DYNC1I1: variants seen among roughly 807,000 people sequenced by gnomAD.
DYNC1I1 encodes dynein cytoplasmic 1 intermediate chain 1, also known as cytoplasmic dynein 1 intermediate chain 1.
Under a neutral mutation model 86.6 loss-of-function variants are expected in DYNC1I1, and 43 were observed. That is an observed-to-expected ratio of 0.50 (90% CI 0.39 to 0.64). The LOEUF (loss-of-function observed/expected upper bound fraction) is 0.64. DYNC1I1 is among the 30% of genes least tolerant of loss of function. The pLI is 0.00. For synonymous variants in DYNC1I1, 262 were observed against 283.7 expected, an observed-to-expected ratio of 0.92 and a Z score of 0.77; for missense variants, 604 against 788.8, an observed-to-expected ratio of 0.77 and a Z score of 2.81.
chr7:96,037,838 C>T (rs967855288), intron 13 of DYNC1I1, among the ~76,000 whole-genome samples: 1 of 152,012 alleles, frequency 6.6e-6, no homozygotes, highest in East Asian at 1.9e-4. Context: ...AAATACAGAC[C>T]TTAGTAACAT....
At chr7:95,818,662 T>C (rs1465759209) in intron 4 of DYNC1I1, 2 of 484,886 alleles carry the variant, frequency 4.1e-6, no homozygotes, top group Non-Finnish European at 7.4e-6. Flanking sequence ...TCTCTTACTA[T>C]TATAGAAACA....
chr7:95,939,348 T>C (rs1792136669), intron 6 of DYNC1I1, among the ~76,000 whole-genome samples: 1 of 152,296 alleles, frequency 6.6e-6, no homozygotes, highest in African/African-American at 2.4e-5. Context: ...TTCCTGGGTA[T>C]CCTTATTAAC....
intron 1 of DYNC1I1, among the ~76,000 whole-genome samples, chr7:95,773,618 T>G (rs543089414): frequency 6.6e-6 from 1 of 152,316 alleles, no homozygotes; most frequent in South Asian, 2.1e-4. Flanking sequence ...TATTCGCTAT[T>G]CTGGCCTCTA....
chr7:95,869,700 G>T (rs1790111414), intron 5 of DYNC1I1, among the ~76,000 whole-genome samples, 183 bp from the exon 6 acceptor site: 1 of 152,124 alleles, frequency 6.6e-6, no homozygotes, highest in Admixed American at 6.5e-5. Flanking sequence ...GGCCAACGTG[G>T]GCCAAGAGCC....
intron 14 of DYNC1I1, among the ~76,000 whole-genome samples, chr7:96,052,511 C>A (rs1407937056): frequency 6.6e-6 from 1 of 152,118 alleles, no homozygotes; most frequent in Non-Finnish European, 1.5e-5. Flanking sequence ...ATTAAAATAC[C>A]TCCTATTTCA....
At chr7:96,040,294 T>C (rs1788998511) in intron 14 of DYNC1I1, among the ~76,000 whole-genome samples, 1 of 151,932 alleles carries the variant, frequency 6.6e-6, no homozygotes, top group Non-Finnish European at 1.5e-5. Flanking sequence ...CTCTCCATGC[T>C]TGAGAGCAAG....
intron 6 of DYNC1I1, among the ~76,000 whole-genome samples, chr7:95,935,645 C>A (rs1792019568): frequency 6.6e-6 from 1 of 152,000 alleles, no homozygotes; most frequent in African/African-American, 2.4e-5. Context: ...AGGAAACAAT[C>A]AACAGCGTGA....
chr7:96,109,769 T>C (rs1791282801), intron 16 of DYNC1I1, among the ~76,000 whole-genome samples: 1 of 152,190 alleles, frequency 6.6e-6, no homozygotes, highest in Admixed American at 6.5e-5. Context: ...AATTCCAATC[T>C]TTTTAAGTTT....
intron 6 of DYNC1I1, among the ~76,000 whole-genome samples, chr7:95,936,956 T>TCTCTCTCACACACACA (rs750834189): frequency 1.5e-5 from 2 of 134,190 alleles, no homozygotes. Flanking sequence ...AGAATATGTC[T>TCTCTCTCACACACACA]CACACACACA....
In DYNC1I1 at chr7:95,804,717, CA is replaced by C. The variant is rs757738914; in HGVS notation, c.-9-2del. On this transcript the variant is annotated splice_region_variant and splice_polypyrimidine_tract_variant and intron_variant, in intron 1 of 16. Coordinates refer to ENST00000447467, the MANE Select transcript of DYNC1I1 (RefSeq NM_001135556.2). The stretch of plus-strand genomic sequence containing the variant: ...TGTTCACTTTTTTTTTCTCTTTCTC[CA>C]AGGAAACCAACATGTCTGACAAAAG... 3.2e-6 allele frequency: 5 copies of C among 1,572,582 alleles called. No individual in the cohort carries two copies. The South Asian group carries it at 4.8e-5, about 15-fold the overall frequency.
intron 5 of DYNC1I1, among the ~76,000 whole-genome samples, chr7:95,868,587 T>G (rs562947603): frequency 1.1e-4 from 17 of 152,070 alleles, no homozygotes; most frequent in Admixed American, 5.2e-4. Flanking sequence ...CAGAGACGCA[T>G]GCACTCCATG....
Position 95,954,857 on chromosome 7 carries a change from A to G in DYNC1I1, c.491-22655A>G, listed in dbSNP as rs1227230264. Among the ~76,000 whole-genome samples, 5 of 139,124 alleles carry G rather than the reference A, an allele frequency of 3.6e-5. No homozygotes were observed. In the Admixed American group the frequency reaches 4.1e-4, roughly 11 times the overall value. 91.3% of individuals were successfully genotyped at this position (139,124 alleles called of 152,430 possible). On this transcript the variant is annotated intron_variant, in intron 6 of 16. Coordinates refer to ENST00000447467, the MANE Select transcript of DYNC1I1 (RefSeq NM_001135556.2). ...CGTGAACCCGGGAGGCGGAGCTTGCAGTGAGCCGAGATCGCACCACTGCAC... is the reference window on the plus strand; with the variant it reads ...CGTGAACCCGGGAGGCGGAGCTTGCGGTGAGCCGAGATCGCACCACTGCAC...
intron 15 of DYNC1I1, 128 bp downstream of exon 15, chr7:96,076,325 GGCCCCCATTC>G: frequency 1.5e-6 from 2 of 1,371,780 alleles, no homozygotes; most frequent in Non-Finnish European, 1.9e-6. Context: ...CAGGGCTGCC[GGCCCCCATTC>G]TTGACTACCC....
intron 5 of DYNC1I1, among the ~76,000 whole-genome samples, chr7:95,850,419 T>C (rs1261158161): frequency 6.6e-6 from 1 of 152,110 alleles, no homozygotes; most frequent in African/African-American, 2.4e-5. Flanking sequence ...CATGAAAGGG[T>C]ATTGAATTTT....
chr7:95,802,083 T>C (rs905761020), intron 1 of DYNC1I1, among the ~76,000 whole-genome samples: 3 of 152,026 alleles, frequency 2.0e-5, no homozygotes, highest in Admixed American at 2.0e-4. Flanking sequence ...CCAAACTCTA[T>C]TCCTCAACTT....
intron 6 of DYNC1I1, among the ~76,000 whole-genome samples, chr7:95,934,949 G>GTT (rs940921683): frequency 4.0e-5 from 6 of 149,028 alleles, no homozygotes; most frequent in Non-Finnish European, 6.0e-5. Flanking sequence ...TTTGTTTTTT[G>GTT]TTTTGTGTGT....
At chr7:96,030,568 C>A (rs2214097) in intron 11 of DYNC1I1, among the ~76,000 whole-genome samples, 1 of 151,742 alleles carries the variant, frequency 6.6e-6, no homozygotes, top group Non-Finnish European at 1.5e-5. Flanking sequence ...TCTGCTGGAC[C>A]TTTCTGAGTC....
chr7:95,868,979 CAAG>C lies in DYNC1I1; in HGVS notation c.375-901_375-899del, dbSNP rs549073879. On this transcript the variant is annotated intron_variant, in intron 5 of 16. Transcript: ENST00000447467. ...AGGCACTTCGATTTTTGCAGTAACT[CAAG>C]AACTCACCAGTAAGAACCTTAGTTA... Among the ~76,000 whole-genome samples, 309 of 152,202 alleles carry C rather than the reference CAAG, an allele frequency of 2.0e-3. 1 individual carries two copies. Among genetic ancestry groups the C allele is most frequent in the African/African-American group, 6.9e-3 (288 of 41,536 alleles).
At chr7:96,064,357 A>G (rs762124632) in intron 14 of DYNC1I1, among the ~76,000 whole-genome samples, 7 of 152,062 alleles carry the variant, frequency 4.6e-5, no homozygotes, top group Non-Finnish European at 1.0e-4. Flanking sequence ...TTAATCAGAC[A>G]TTTAATTTCC....
Sources: gnomAD v4.1 joint callset for allele counts (sites outside exome capture counted in the v4.1 genomes callset) on GRCh38, gnomAD v4.1.1 for gene constraint, MANE v1.5 for transcripts, NCBI Gene and HGNC (gene_info 2026-07-23, HGNC 2026-07-21) for gene names.